Variants in SASH1 observed in about 807,000 individuals in gnomAD.
SASH1 encodes SAM and SH3 domain-containing protein 1.
In SASH1, 44 loss-of-function variants were observed where a neutral mutation model predicts 125.2. The observed-to-expected ratio is 0.35, with a 90% CI of 0.28 to 0.45. SASH1 has a LOEUF of 0.45. Ranked by LOEUF, SASH1 falls within the 20% of genes least tolerant of loss-of-function variation. The pLI is 1.00. For missense variants in SASH1, 1,426 were observed against 1,614.5 expected (o/e 0.88, Z 2.00); for synonymous variants, 639 against 649.1 (o/e 0.98, Z 0.24).
chr6:148,213,651 T>C, the SASH1 span, among the ~76,000 whole-genome samples: 7 of 149,628 alleles, frequency 4.7e-5, no homozygotes, highest in African/African-American at 1.7e-4. Context: ...TCTCTGCTCT[T>C]ATAAACAACC....
chr6:148,495,976 C>T lies in SASH1; in HGVS notation c.729+8261C>T, dbSNP rs145695936. Among the ~76,000 whole-genome samples the T allele has an allele frequency of 2.8e-3, 431 of 151,918 alleles. 3 individuals carry two copies. The highest frequency in any genetic ancestry group is 9.9e-3 in the African/African-American group (408 of 41,420). On this transcript the variant is annotated intron_variant, in intron 8 of 19. Transcript: ENST00000367467. This position sits in a 1 kb window ranked among gnomAD's most constrained non-coding sequence, Gnocchi z 4.0. ...TCAGCCTCCAGAGTAGCTGGGATTA[C>T]AGGCGCACGCCATCACGCCTGGCTA...
At chr6:148,457,637 T>G (rs1777421695) in intron 4 of SASH1, among the ~76,000 whole-genome samples, 1 of 152,174 alleles carries the variant, frequency 6.6e-6, no homozygotes, top group Non-Finnish European at 1.5e-5. Context: ...GACCAATGCT[T>G]TGTGGAAGTT....
intron 1 of SASH1, among the ~76,000 whole-genome samples, chr6:148,331,301 G>A (rs1456930448): frequency 6.6e-6 from 1 of 152,078 alleles, no homozygotes; most frequent in Non-Finnish European, 1.5e-5. Flanking sequence ...ATTATTGATG[G>A]AATAATTCCC....
chr6:148,455,575 C>T (rs1295367315), intron 4 of SASH1, among the ~76,000 whole-genome samples: 2 of 152,048 alleles, frequency 1.3e-5, no homozygotes, highest in African/African-American at 4.8e-5. Flanking sequence ...TGGAGTGAGT[C>T]TAGGTGTGGA....
chr6:148,521,062 G>A (rs1021295002), intron 10 of SASH1, among the ~76,000 whole-genome samples: 1 of 152,172 alleles, frequency 6.6e-6, no homozygotes, highest in Non-Finnish European at 1.5e-5. Context: ...TCAAAGAGTA[G>A]GATGTTTTTC....
chr6:148,327,638 T>C (rs1414766011), intron 1 of SASH1, among the ~76,000 whole-genome samples: 1 of 150,610 alleles, frequency 6.6e-6, no homozygotes, highest in East Asian at 2.0e-4. Context: ...TTATGGAATA[T>C]GTTTAAAGCA....
chr6:148,258,770 A>G, the SASH1 span, among the ~76,000 whole-genome samples: 7 of 152,170 alleles, frequency 4.6e-5, no homozygotes, highest in Non-Finnish European at 8.8e-5. Flanking sequence ...CACAGTTTTC[A>G]TTTTATCCTC....
At chr6:148,376,619 T>C (rs1051571340) in intron 1 of SASH1, among the ~76,000 whole-genome samples, 2 of 152,076 alleles carry the variant, frequency 1.3e-5, no homozygotes, top group African/African-American at 4.8e-5. Flanking sequence ...CCTAGCACTT[T>C]GGGAGGCTGA....
At chr6:148,272,148 C>T (rs1274278342), upstream of SASH1, among the ~76,000 whole-genome samples, 1 of 152,174 alleles carries the variant, frequency 6.6e-6, no homozygotes, top group Non-Finnish European at 1.5e-5. Context: ...CCCAGTGAGG[C>T]CTCAGGAAGC....
At chr6:148,386,552 G>C (rs1238788450) in intron 1 of SASH1, among the ~76,000 whole-genome samples, 3 of 152,206 alleles carry the variant, frequency 2.0e-5, no homozygotes, top group African/African-American at 4.8e-5. Context: ...TGTGTAAGCT[G>C]TAAACCCCCT....
intron 15 of SASH1, among the ~76,000 whole-genome samples, chr6:148,534,435 A>C (rs1427059512): frequency 6.6e-6 from 1 of 152,170 alleles, no homozygotes; most frequent in Non-Finnish European, 1.5e-5. Flanking sequence ...GTGGAGGAGG[A>C]GTCTCCTCTG....
At chr6:148,534,003 C>T in intron 15 of SASH1, 23 bp downstream of exon 15, 1 of 1,605,300 alleles carries the variant, frequency 6.2e-7, no homozygotes, top group South Asian at 1.1e-5. Flanking sequence ...TGATTCTTGT[C>T]ACACGCTACT....
intron 1 of SASH1, among the ~76,000 whole-genome samples, chr6:148,320,809 A>T (rs1026666370): frequency 2.6e-5 from 4 of 152,138 alleles, no homozygotes; most frequent in African/African-American, 9.7e-5. Context: ...TAAAACAGAG[A>T]GCTTCAAGTC....
chr6:148,308,524 T>A (rs1375169908), intron 1 of SASH1, among the ~76,000 whole-genome samples: 5 of 151,464 alleles, frequency 3.3e-5, no homozygotes, highest in African/African-American at 1.2e-4. Context: ...GCCTCCCAAG[T>A]AGCTGGGATT....
intron 7 of SASH1, among the ~76,000 whole-genome samples, 157 bp from the exon 8 acceptor site, chr6:148,487,457 T>C (rs1382195627): frequency 6.6e-6 from 1 of 152,170 alleles, no homozygotes; most frequent in Non-Finnish European, 1.5e-5. Context: ...TTACCAACAC[T>C]GGCATGAAGA....
At chr6:148,524,983 G>A (rs1361805619) in intron 10 of SASH1, 2 of 334,302 alleles carry the variant, frequency 6.0e-6, no homozygotes, top group African/African-American at 2.2e-5. Context: ...CACAGCACTG[G>A]ACTCATGGAG....
chr6:148,333,469 GA>G (rs1781052321), intron 1 of SASH1, among the ~76,000 whole-genome samples: 1 of 152,152 alleles, frequency 6.6e-6, no homozygotes, highest in Non-Finnish European at 1.5e-5. Flanking sequence ...GTGGGGCCGG[GA>G]AATTTGCATT....
intron 1 of SASH1, among the ~76,000 whole-genome samples, chr6:148,344,518 G>T (rs557960632): frequency 2.0e-5 from 3 of 152,028 alleles, no homozygotes; most frequent in African/African-American, 7.2e-5. Flanking sequence ...GTTGGTTAAA[G>T]ATTTCTATCT....
At chr6:148,502,237 T>C (rs1356512251) in intron 8 of SASH1, among the ~76,000 whole-genome samples, 4 of 152,178 alleles carry the variant, frequency 2.6e-5, no homozygotes, top group Admixed American at 2.6e-4. Context: ...CTCATCTTTT[T>C]TTTTCCATAT....
Sources: gnomAD v4.1 joint callset for allele counts (sites outside exome capture counted in the v4.1 genomes callset) on GRCh38, gnomAD v4.1.1 for gene constraint, Gnocchi (gnomAD v3.1) non-coding constraint, MANE v1.5 for transcripts, NCBI Gene and HGNC (gene_info 2026-07-23, HGNC 2026-07-21) for gene names.